CLASP1: variants seen among roughly 807,000 people sequenced by gnomAD.
CLASP1 encodes CLIP-associating protein 1.
A neutral mutation model predicts 192.3 loss-of-function variants in CLASP1; 38 were observed. That is an observed-to-expected ratio of 0.20 (90% CI 0.15 to 0.26). The LOEUF (loss-of-function observed/expected upper bound fraction) is 0.26, where lower values mean the gene tolerates loss of function less well. CLASP1 is among the 10% of genes least tolerant of loss of function. The pLI, the probability that CLASP1 is intolerant of heterozygous loss-of-function variation, is 1.00. For synonymous variants in CLASP1, 691 were observed against 712.8 expected (o/e 0.97, Z 0.49); for missense variants, 1,433 against 1,932.5 (o/e 0.74, Z 4.85).
intron 1 of CLASP1, among the ~76,000 whole-genome samples, chr2:121,635,931 G>T (rs1466022847): frequency 1.3e-5 from 2 of 152,230 alleles, no homozygotes; most frequent in Admixed American, 6.5e-5. Context: ...GCCAGGCGCA[G>T]TGGCTCACGC....
intron 33 of CLASP1, among the ~76,000 whole-genome samples, chr2:121,378,577 T>C (rs2070833624): frequency 6.6e-6 from 1 of 151,886 alleles, no homozygotes; most frequent in Non-Finnish European, 1.5e-5. Context: ...AAGAAAAGCA[T>C]GGGATGGATA....
chr2:121,363,149 C>T (rs2066733604), intron 37 of CLASP1, 23 bp downstream of exon 38: 1 of 1,613,752 alleles, frequency 6.2e-7, no homozygotes, highest in Middle Eastern at 1.7e-4. Flanking sequence ...TGTTCAGCAC[C>T]CCTGGCCACA....
intron 2 of CLASP1, among the ~76,000 whole-genome samples, chr2:121,588,727 G>T (rs1230460122): frequency 6.6e-6 from 1 of 152,088 alleles, no homozygotes; most frequent in Non-Finnish European, 1.5e-5. Context: ...CCCAATGCCT[G>T]AGGCTTCCAC....
intron 2 of CLASP1, among the ~76,000 whole-genome samples, chr2:121,556,977 A>C (rs1178007156): frequency 6.6e-6 from 1 of 152,178 alleles, no homozygotes; most frequent in Non-Finnish European, 1.5e-5. Context: ...AAATGACTCT[A>C]GGTGTGTTAT....
chr2:121,466,386 G>C (rs1212588077), intron 9 of CLASP1, among the ~76,000 whole-genome samples: 2 of 152,194 alleles, frequency 1.3e-5, no homozygotes, highest in African/African-American at 4.8e-5. Context: ...GTCTGGTCAA[G>C]ATACCAATAT....
chr2:121,567,041 G>C (rs1475128040), intron 2 of CLASP1, among the ~76,000 whole-genome samples: 1 of 152,194 alleles, frequency 6.6e-6, no homozygotes, highest in African/African-American at 2.4e-5. Context: ...CCCCATTTCA[G>C]ATGCCAGCTC....
intron 30 of CLASP1, among the ~76,000 whole-genome samples, chr2:121,389,484 G>GC (rs748253681): frequency 1.4e-5 from 2 of 139,706 alleles, no homozygotes; most frequent in East Asian, 4.1e-4. Context: ...TTAGGTGTTA[G>GC]AAAAAAAAAA....
chr2:121,553,837 T>C (rs1423316812), intron 2 of CLASP1, among the ~76,000 whole-genome samples: 3 of 152,206 alleles, frequency 2.0e-5, no homozygotes, highest in Admixed American at 6.5e-5. Context: ...GTATTATTCA[T>C]AATGGCAAAA....
chr2:121,494,915 G>A (rs543762625), intron 8 of CLASP1, among the ~76,000 whole-genome samples: 3 of 152,028 alleles, frequency 2.0e-5, no homozygotes, highest in East Asian at 1.9e-4. Flanking sequence ...TCAGCTACTC[G>A]GGAGACTGAG....
Position 121,367,849 on chromosome 2 carries a change from G to GTC in CLASP1, c.3643-20_3643-19dup, listed in dbSNP as rs774676325. On this transcript the variant is annotated intron_variant, in intron 34 of 39. Coordinates refer to ENST00000263710, the Ensembl canonical transcript of CLASP1. ...CGGGACACCTGCAGCACAGCACACT[G>GTC]TCAGTTCCCTTCTGGGACTTGTAAT... 63 of 1,610,324 alleles carry GTC rather than the reference G, an allele frequency of 3.9e-5. No individual in the cohort carries two copies. In the African/African-American group the frequency reaches 7.7e-4, roughly 20 times the overall value.
chr2:121,485,558 A>G (rs527818026), intron 8 of CLASP1, among the ~76,000 whole-genome samples: 5 of 152,224 alleles, frequency 3.3e-5, no homozygotes, highest in Non-Finnish European at 5.9e-5. Context: ...TTTTCCTTCA[A>G]ATTTTGTATT....
At chr2:121,457,307 T>G (rs1269426546) in intron 14 of CLASP1, among the ~76,000 whole-genome samples, 3 of 152,204 alleles carry the variant, frequency 2.0e-5, no homozygotes, top group Admixed American at 2.0e-4. Flanking sequence ...ACGGTATTTT[T>G]TTCTTGCATG....
intron 2 of CLASP1, among the ~76,000 whole-genome samples, chr2:121,550,687 C>G (rs1245111561): frequency 1.3e-5 from 2 of 152,142 alleles, no homozygotes; most frequent in Non-Finnish European, 2.9e-5. Context: ...TAAGACTGAG[C>G]CAGGAAGAAA....
intron 1 of CLASP1, among the ~76,000 whole-genome samples, chr2:121,635,782 A>G (rs1449870544): frequency 6.6e-6 from 1 of 152,260 alleles, no homozygotes; most frequent in Non-Finnish European, 1.5e-5. Context: ...CAAACTCAAA[A>G]TAATTTTTGA....
chr2:121,639,470 A>C (rs2071595883), intron 1 of CLASP1, among the ~76,000 whole-genome samples: 1 of 152,178 alleles, frequency 6.6e-6, no homozygotes, highest in Admixed American at 6.6e-5. Context: ...ATGGCTACAG[A>C]GTTTCTATTT....
At chr2:121,343,520 T>C (rs10179345) in intron 39 of CLASP1, among the ~76,000 whole-genome samples, 31,676 of 152,102 alleles carry the variant, frequency 0.21, 6,285 homozygotes, top group African/African-American at 0.52. Context: ...TGCTGCAACA[T>C]GGATAAGCCC....
chr2:121,387,597 A>G (rs531890068), intron 31 of CLASP1, among the ~76,000 whole-genome samples, 166 bp downstream of exon 32: 1 of 152,354 alleles, frequency 6.6e-6, no homozygotes, highest in South Asian at 2.1e-4. Context: ...CTTAAATATC[A>G]GATTCATTCA....
At chr2:121,445,609 A>G (rs2084177887) in intron 19 of CLASP1, 1 of 490,068 alleles carries the variant, frequency 2.0e-6, no homozygotes, top group Non-Finnish European at 3.5e-6. Flanking sequence ...GCTATATTTC[A>G]ATTTTTTGGT....
chr2:121,581,841 T>C (rs1211992727), intron 2 of CLASP1, among the ~76,000 whole-genome samples: 1 of 152,176 alleles, frequency 6.6e-6, no homozygotes, highest in Middle Eastern at 3.2e-3. Flanking sequence ...GCCAAGATCG[T>C]GCCACTGCAC....
Sources: gnomAD v4.1 joint callset for allele counts (sites outside exome capture counted in the v4.1 genomes callset) on GRCh38, gnomAD v4.1.1 for gene constraint, MANE v1.5 for transcripts, NCBI Gene and HGNC (gene_info 2026-07-23, HGNC 2026-07-21) for gene names.